The following PIK3R3 variants were observed in gnomAD, a reference collection of about 807,000 sequenced individuals.
The protein encoded by PIK3R3 is phosphoinositide-3-kinase regulatory subunit 3, also known as phosphatidylinositol 3-kinase regulatory subunit gamma.
In PIK3R3, 64 loss-of-function variants were observed where a neutral mutation model predicts 62.9. The ratio of observed to expected loss-of-function variants is 1.02; its 90% confidence interval spans 0.83 to 1.25. The LOEUF is 1.25. Among genes scored for constraint, PIK3R3 ranks in the 50% most tolerant of loss-of-function variants. PIK3R3 has a pLI of 0.00. For missense variants in PIK3R3, 614 were observed against 561.6 expected (o/e 1.09, Z -0.94); for synonymous variants, 165 against 189.0 (o/e 0.87, Z 1.04).
intron 8 of PIK3R3, 54 bp downstream of exon 8, chr1:46,046,497 A>G: frequency 8.9e-7 from 1 of 1,124,794 alleles, no homozygotes; most frequent in Non-Finnish European, 1.4e-6. Context: ...AACAAGGCGC[A>G]TGTCTTATAT....
chr1:46,118,658 C>G (rs917005423), intron 1 of PIK3R3, among the ~76,000 whole-genome samples: 2 of 150,926 alleles, frequency 1.3e-5, no homozygotes, highest in Non-Finnish European at 2.9e-5. Context: ...CGGGTTCAAG[C>G]GATTCTGCTG....
chr1:46,131,818 G>A (rs1177271207), intron 1 of PIK3R3, 29 bp downstream of exon 1: 1 of 1,592,832 alleles, frequency 6.3e-7, no homozygotes, highest in Non-Finnish European at 8.6e-7. Flanking sequence ...GACCCATCAC[G>A]AGATTCTTTT....
At chr1:46,157,123 G>A in the PIK3R3 span, among the ~76,000 whole-genome samples, 15 of 152,264 alleles carry the variant, frequency 9.9e-5, no homozygotes, top group African/African-American at 3.6e-4. Flanking sequence ...CCCAGGGCCT[G>A]AGGTTTGGAT....
intron 1 of PIK3R3, among the ~76,000 whole-genome samples, chr1:46,083,986 A>AT (rs1452028165): frequency 6.6e-6 from 1 of 152,210 alleles, no homozygotes; most frequent in Non-Finnish European, 1.5e-5. Context: ...TAGTAGCTTT[A>AT]TTTATAATGG....
chr1:46,162,345 G>C, the PIK3R3 span, among the ~76,000 whole-genome samples: 1 of 151,860 alleles, frequency 6.6e-6, no homozygotes, highest in Admixed American at 6.6e-5. Context: ...TTAGCTGGGA[G>C]TGACGGTGTG....
At chr1:46,162,767 G>A in the PIK3R3 span, among the ~76,000 whole-genome samples, 5 of 151,762 alleles carry the variant, frequency 3.3e-5, no homozygotes, top group Non-Finnish European at 5.9e-5. Context: ...GATTACAGGC[G>A]TGCACCACCA....
the PIK3R3 span, among the ~76,000 whole-genome samples, chr1:46,147,740 T>A: frequency 6.6e-6 from 1 of 152,168 alleles, no homozygotes; most frequent in Admixed American, 6.5e-5. Context: ...TCTGTTTTTT[T>A]AAATAGTGTT....
the PIK3R3 span, among the ~76,000 whole-genome samples, chr1:46,172,113 ATTCGGTGGCTTGG>A: frequency 2.6e-5 from 4 of 151,956 alleles, no homozygotes; most frequent in African/African-American, 9.7e-5. Flanking sequence ...TCACCTCCCG[ATTCGGTGGCTTGG>A]CCTGGCCTGC....
chr1:46,113,468 T>G (rs1653916700), intron 1 of PIK3R3, among the ~76,000 whole-genome samples: 1 of 151,946 alleles, frequency 6.6e-6, no homozygotes, highest in African/African-American at 2.4e-5. Flanking sequence ...CAGATTTTTT[T>G]TAAAGAGATG....
intron 1 of PIK3R3, among the ~76,000 whole-genome samples, chr1:46,127,317 G>T (rs1221028177): frequency 7.1e-6 from 1 of 141,284 alleles, no homozygotes; most frequent in African/African-American, 2.6e-5. Flanking sequence ...ACTCTAGCCT[G>T]AGCAACAAAG....
At chr1:46,095,528 G>A (rs1410196498) in intron 1 of PIK3R3, among the ~76,000 whole-genome samples, 1 of 152,156 alleles carries the variant, frequency 6.6e-6, no homozygotes. Flanking sequence ...GGGAGAGAGA[G>A]CATCAGGAGG....
At chr1:46,113,947 A>G (rs1321743513) in intron 1 of PIK3R3, among the ~76,000 whole-genome samples, 1 of 152,208 alleles carries the variant, frequency 6.6e-6, no homozygotes, top group African/African-American at 2.4e-5. Flanking sequence ...ATCTTAGATG[A>G]CAGGAGAAAG....
At chr1:46,065,692 A>G (rs998324866) in intron 5 of PIK3R3, among the ~76,000 whole-genome samples, 22 of 152,222 alleles carry the variant, frequency 1.4e-4, no homozygotes, top group African/African-American at 5.1e-4. Flanking sequence ...GATGGCTGAT[A>G]TTAGAGTAAG....
the PIK3R3 span, among the ~76,000 whole-genome samples, chr1:46,144,914 G>A: frequency 1.3e-5 from 2 of 151,700 alleles, no homozygotes; most frequent in African/African-American, 2.4e-5. Flanking sequence ...CACCGAGGTC[G>A]GGAGTTTGAG....
intron 1 of PIK3R3, among the ~76,000 whole-genome samples, chr1:46,105,429 A>T (rs1557615217): frequency 1.3e-5 from 2 of 151,808 alleles, no homozygotes; most frequent in South Asian, 4.2e-4. Context: ...AACTGAACCC[A>T]GGAAGCGGAG....
Position 46,132,622 on chromosome 1 carries a change from C to A in PIK3R3, c.-670G>T. 1 of 1,289,724 alleles carries A rather than the reference C, an allele frequency of 7.8e-7. No homozygotes were observed. The allele number at this position is 1,289,724 out of a possible 1,614,324, so 79.9% of individuals were successfully genotyped here. On this transcript the variant is annotated 5_prime_UTR_variant, in exon 1 of 10. Coordinates refer to ENST00000262741, the MANE Select transcript of PIK3R3 (RefSeq NM_003629.4). Reference sequence around the variant, plus strand: ...CCCGACCGCACCAACTGCCCTCAAGCTCTGCCCGGACTCCAGCCACTAGAG... The same window carrying A: ...CCCGACCGCACCAACTGCCCTCAAGATCTGCCCGGACTCCAGCCACTAGAG...
At chr1:46,132,957 C>T, upstream of PIK3R3, 2 of 1,116,788 alleles carry the variant, frequency 1.8e-6, no homozygotes, top group South Asian at 1.9e-5. Context: ...GAGTCAGTGC[C>T]GGGAGCACGC....
intron 1 of PIK3R3, among the ~76,000 whole-genome samples, chr1:46,102,046 G>A (rs989841716): frequency 7.5e-5 from 11 of 146,230 alleles, no homozygotes; most frequent in Non-Finnish European, 1.3e-4. Context: ...GTGCAGTGGC[G>A]CAATCTCGGC....
intron 1 of PIK3R3, among the ~76,000 whole-genome samples, chr1:46,129,774 A>G (rs1655418787): frequency 6.6e-6 from 1 of 152,232 alleles, no homozygotes; most frequent in South Asian, 2.1e-4. Context: ...GCAATGTTTC[A>G]GCATACTCAA....
Sources: gnomAD v4.1 joint callset for allele counts (sites outside exome capture counted in the v4.1 genomes callset) on GRCh38, gnomAD v4.1.1 for gene constraint, MANE v1.5 for transcripts, NCBI Gene and HGNC (gene_info 2026-07-23, HGNC 2026-07-21) for gene names.